The following NRIP3 variants were observed in gnomAD, a reference collection of about 807,000 sequenced individuals.
The protein encoded by NRIP3 is nuclear receptor interacting protein 3.
Under a neutral mutation model 29.0 loss-of-function variants are expected in NRIP3, and 31 were observed. The ratio of observed to expected loss-of-function variants is 1.07; its 90% CI spans 0.80 to 1.44. The LOEUF is 1.44. NRIP3 is among the 40% of genes most tolerant of loss of function. The probability of loss-of-function intolerance (pLI) is 0.00; values close to 1 mark genes in which losing one functional copy is unlikely to be tolerated. For synonymous variants in NRIP3, 131 were observed against 118.3 expected, an observed-to-expected ratio of 1.11 and a Z score of -0.70; for missense variants, 314 against 297.9, an observed-to-expected ratio of 1.05 and a Z score of -0.40.
intron 1 of NRIP3, among the ~76,000 whole-genome samples, chr11:8,991,157 C>T (rs193118661): frequency 0.021 from 3,263 of 152,030 alleles, 46 homozygotes; most frequent in Non-Finnish European, 0.034. Flanking sequence ...AAAAATTAGC[C>T]AGGTGTGGTG....
At chr11:8,986,921 G>A (rs2056042917) in intron 3 of NRIP3, among the ~76,000 whole-genome samples, 1 of 152,220 alleles carries the variant, frequency 6.6e-6, no homozygotes, top group Admixed American at 6.5e-5. Context: ...GGGAGGCTGA[G>A]GCAGGAGGAT....
chr11:9,000,598 TATA>T (rs1854776429), intron 1 of NRIP3, among the ~76,000 whole-genome samples: 1 of 152,176 alleles, frequency 6.6e-6, no homozygotes. Context: ...TACAGGTAAG[TATA>T]ATATCATTTA....
rs373501239 is a variant in NRIP3 at position 8,983,461 on chromosome 11, C to G, written c.*84G>C. 4 of 1,325,696 alleles carry G rather than the reference C, an allele frequency of 3.0e-6. No individual in the cohort carries two copies. In the Admixed American group the frequency reaches 7.5e-5, roughly 25 times the overall value. 82.1% of individuals were successfully genotyped at this position (1,325,696 alleles called of 1,614,324 possible). A position where few individuals can be genotyped will look rare whatever the true frequency, so the allele number is the denominator to read the frequency against. ...GGACTTGGTCCACAGCAAGTCACTA[C>G]GGCATTTGGTTCAAACCCAGTTTTC... On this transcript the variant is annotated 3_prime_UTR_variant, in exon 7 of 7. Transcript: ENST00000309166.
At chr11:8,990,169 C>T (rs998756459) in intron 1 of NRIP3, among the ~76,000 whole-genome samples, 1 of 152,180 alleles carries the variant, frequency 6.6e-6, no homozygotes, top group Non-Finnish European at 1.5e-5. Flanking sequence ...CAAACTCCTC[C>T]ACAAAATGTC....
chr11:8,992,986 T>C (rs1854634956), intron 1 of NRIP3, among the ~76,000 whole-genome samples: 2 of 152,332 alleles, frequency 1.3e-5, no homozygotes, highest in Admixed American at 1.3e-4. Context: ...AGAAAGTTAT[T>C]TCCTGTGTCT....
intron 1 of NRIP3, among the ~76,000 whole-genome samples, chr11:8,995,421 G>A (rs764085928): frequency 2.0e-5 from 3 of 152,160 alleles, no homozygotes; most frequent in African/African-American, 7.2e-5. Flanking sequence ...AACATATTGG[G>A]TTAATTCCTT....
chr11:8,985,602 C>A, intron 4 of NRIP3, 109 bp downstream of exon 4: 1 of 1,402,392 alleles, frequency 7.1e-7, no homozygotes, highest in Non-Finnish European at 9.6e-7. Flanking sequence ...AAATGGGAAC[C>A]ATTTTGAAAA....
chr11:8,991,029 C>T (rs986151002), intron 1 of NRIP3, among the ~76,000 whole-genome samples: 5 of 152,060 alleles, frequency 3.3e-5, no homozygotes, highest in Non-Finnish European at 4.4e-5. Flanking sequence ...TGTCCAGGTG[C>T]GGTGGCTCAC....
intron 1 of NRIP3, among the ~76,000 whole-genome samples, chr11:8,992,599 G>A (rs1701605155): frequency 6.6e-6 from 1 of 152,156 alleles, no homozygotes; most frequent in African/African-American, 2.4e-5. Context: ...AAAGCTAAAA[G>A]ACAATAGAAT....
At chr11:9,003,515 A>G (rs958504745) in intron 1 of NRIP3, among the ~76,000 whole-genome samples, 2 of 152,208 alleles carry the variant, frequency 1.3e-5, no homozygotes, top group Admixed American at 1.3e-4. Flanking sequence ...TCTTCTTTCT[A>G]CTGGAGAAGA....
At chr11:9,002,931 G>A (rs535111158) in intron 1 of NRIP3, among the ~76,000 whole-genome samples, 31 of 152,310 alleles carry the variant, frequency 2.0e-4, no homozygotes, top group Non-Finnish European at 1.3e-4. Flanking sequence ...GACAAATACA[G>A]TTCTTTATAT....
At chr11:8,992,584 C>T (rs564435788) in intron 1 of NRIP3, among the ~76,000 whole-genome samples, 141 of 152,260 alleles carry the variant, frequency 9.3e-4, no homozygotes, top group Non-Finnish European at 1.7e-3. Flanking sequence ...TCAACAGTAA[C>T]AGTCAAAGCT....
chr11:8,997,014 G>A (rs1363780798), intron 1 of NRIP3, among the ~76,000 whole-genome samples: 1 of 152,142 alleles, frequency 6.6e-6, no homozygotes, highest in African/African-American at 2.4e-5. Flanking sequence ...GGAGTTCAAG[G>A]CTGCAGTGAG....
intron 1 of NRIP3, among the ~76,000 whole-genome samples, chr11:8,997,342 C>G (rs1429479114): frequency 8.8e-6 from 1 of 114,040 alleles, no homozygotes; most frequent in African/African-American, 3.5e-5. Context: ...GGTGAGAGAG[C>G]GAGACTCCGT....
chr11:8,997,312 G>A (rs1854723570), intron 1 of NRIP3, among the ~76,000 whole-genome samples: 1 of 127,350 alleles, frequency 7.9e-6, no homozygotes, highest in South Asian at 2.4e-4. Context: ...GAGGCGGATC[G>A]CACCACTGCA....
chr11:8,985,471 ATTT>A (rs935327720), intron 4 of NRIP3, among the ~76,000 whole-genome samples: 1 of 118,708 alleles, frequency 8.4e-6, no homozygotes, highest in African/African-American at 3.1e-5. Context: ...ACCCGGCCGA[ATTT>A]TTTTTTTATC....
At chr11:8,987,523 C>T (rs767197782) in intron 3 of NRIP3, 25 bp downstream of exon 3, 8 of 1,529,816 alleles carry the variant, frequency 5.2e-6, no homozygotes, top group Admixed American at 3.3e-5. Flanking sequence ...CATCTAAGTT[C>T]CACTCAGCAC....
intron 1 of NRIP3, among the ~76,000 whole-genome samples, chr11:8,994,059 C>T (rs867900441): frequency 1.3e-5 from 2 of 152,064 alleles, no homozygotes; most frequent in South Asian, 2.1e-4. Flanking sequence ...TTATTTTTCT[C>T]ACATAACAAG....
At chr11:8,991,392 A>G (rs1256677793) in intron 1 of NRIP3, among the ~76,000 whole-genome samples, 2 of 152,250 alleles carry the variant, frequency 1.3e-5, no homozygotes, top group African/African-American at 4.8e-5. Flanking sequence ...TCAGGAATAG[A>G]AAATTTACAG....
Sources: allele counts gnomAD v4.1 joint callset (sites outside exome capture counted in the v4.1 genomes callset), GRCh38; gene constraint gnomAD v4.1.1; transcripts MANE v1.5; gene names NCBI Gene and HGNC (gene_info 2026-07-23, HGNC 2026-07-21).